KANSL1: variants seen among roughly 807,000 people sequenced by gnomAD.
KANSL1 encodes MLL1/MLL complex subunit KANSL1.
KANSL1 carries 22 observed loss-of-function variants against 103.6 expected under a neutral mutation model. That is an observed-to-expected ratio of 0.21 (90% CI 0.15 to 0.30). The LOEUF is 0.30. Among genes scored for constraint, KANSL1 ranks in the 10% least tolerant of loss-of-function variants. KANSL1 has a pLI of 1.00. For missense variants in KANSL1, 1,337 were observed against 1,399.8 expected (o/e 0.96, Z 0.72); for synonymous variants, 600 against 527.6 (o/e 1.14, Z -1.88).
At position 46,033,476 on chromosome 17, in the gene KANSL1, C is replaced by G; in HGVS notation, c.2667-16G>C. 6.2e-7 allele frequency: 1 copy of G among 1,613,388 alleles called. No homozygotes were observed. Among genetic ancestry groups the G allele is most frequent in the Non-Finnish European group, 8.5e-7 (1 of 1,179,320 alleles). On this transcript the variant is annotated splice_polypyrimidine_tract_variant and intron_variant, in intron 11 of 14. Transcript: ENST00000432791. The stretch of plus-strand genomic sequence containing the variant: ...CTCCCGCCAGCTGCAAAACCAAGAA[C>G]AGACAATCATGAGATGGCAAGCAGG...
At chr17:46,071,993 C>T (rs114609727) in intron 4 of KANSL1, among the ~76,000 whole-genome samples, 4 of 149,064 alleles carry the variant, frequency 2.7e-5, no homozygotes, top group East Asian at 2.0e-4. Flanking sequence ...CCCCTCCCCC[C>T]GCCCCGATTG....
intron 3 of KANSL1, chr17:46,092,884 A>AT (rs1425985345): frequency 2.0e-5 from 3 of 152,310 alleles, no homozygotes; most frequent in Non-Finnish European, 4.4e-5. Context: ...TTTAACTGAA[A>AT]TAATTTCTTT....
chr17:46,062,906 T>C (rs2078231444), intron 6 of KANSL1, among the ~76,000 whole-genome samples: 1 of 151,806 alleles, frequency 6.6e-6, no homozygotes, highest in Non-Finnish European at 1.5e-5. Context: ...AAAAAATAGC[T>C]GGGCGTGGTG....
At chr17:46,094,468 G>GT in intron 3 of KANSL1, 92 bp downstream of exon 3, 1 of 1,410,340 alleles carries the variant, frequency 7.1e-7, no homozygotes, top group Non-Finnish European at 9.8e-7. Context: ...TAAGAAGAGG[G>GT]TTATGGGGGT....
Position 46,172,048 on chromosome 17 carries a change from G to A in KANSL1, c.96C>T (p.Gly32=). 3 of 1,614,218 alleles carry A rather than the reference G, an allele frequency of 1.9e-6. No individual in the cohort carries two copies. Among genetic ancestry groups the A allele is most frequent in the Non-Finnish European group, 1.7e-6 (2 of 1,180,054 alleles). Reference sequence around the variant, plus strand: ...TGGCGTTGCCGTTATTTTCGGCACTGCCAGGGGACAAGGTAGAGGATGGGG... The same window carrying A: ...TGGCGTTGCCGTTATTTTCGGCACTACCAGGGGACAAGGTAGAGGATGGGG... ...LAPPSSTLSP[G]SAENNGNANI... is the part of the protein sequence containing the mutation. Residue 32 remains glycine, a synonymous_variant, in exon 2 of 15, where the codon GGC becomes GGT. Transcript: ENST00000432791.
At chr17:46,045,566 T>C (rs1217901007) in intron 7 of KANSL1, 2 of 152,070 alleles carry the variant, frequency 1.3e-5, no homozygotes, top group African/African-American at 4.8e-5. Context: ...CAAATAGGAT[T>C]AGATGCAGGA....
At chr17:46,123,240 G>A (rs935177359) in intron 2 of KANSL1, among the ~76,000 whole-genome samples, 7 of 152,160 alleles carry the variant, frequency 4.6e-5, no homozygotes, top group Non-Finnish European at 5.9e-5. Context: ...ATGTGGGTGT[G>A]GCATTGCGCA....
chr17:46,136,476 A>G (rs2044150121), intron 2 of KANSL1, among the ~76,000 whole-genome samples: 1 of 152,236 alleles, frequency 6.6e-6, no homozygotes, highest in African/African-American at 2.4e-5. Flanking sequence ...TACAAATGCT[A>G]AGGAGTAAAA....
At chr17:46,190,987 G>A (rs1259882644) in intron 1 of KANSL1, among the ~76,000 whole-genome samples, 2 of 152,016 alleles carry the variant, frequency 1.3e-5, no homozygotes, top group African/African-American at 4.8e-5. Flanking sequence ...CAATGTACAT[G>A]GTAAATCAGG....
intron 6 of KANSL1, among the ~76,000 whole-genome samples, chr17:46,064,428 G>A: frequency 6.6e-6 from 1 of 152,116 alleles, no homozygotes; most frequent in Non-Finnish European, 1.5e-5. Context: ...CTTTGAAAAT[G>A]TTATCTACAA....
At chr17:46,143,201 T>C (rs1454627431) in intron 2 of KANSL1, among the ~76,000 whole-genome samples, 3 of 152,228 alleles carry the variant, frequency 2.0e-5, no homozygotes, top group African/African-American at 7.2e-5. Flanking sequence ...GGTGAGAATA[T>C]TTACATATAT....
At chr17:46,181,553 C>T (rs1304213870) in intron 1 of KANSL1, among the ~76,000 whole-genome samples, 4 of 152,214 alleles carry the variant, frequency 2.6e-5, no homozygotes, top group African/African-American at 9.7e-5. Context: ...CCACAACCTC[C>T]CGAGCAGCTG....
intron 4 of KANSL1, among the ~76,000 whole-genome samples, chr17:46,080,949 C>G (rs1020120474): frequency 6.6e-6 from 1 of 152,092 alleles, no homozygotes; most frequent in African/African-American, 2.4e-5. Context: ...TCTTGACCTT[C>G]AAGAATCTTA....
At chr17:46,190,655 T>C (rs2047271007) in intron 1 of KANSL1, among the ~76,000 whole-genome samples, 1 of 152,206 alleles carries the variant, frequency 6.6e-6, no homozygotes, top group Admixed American at 6.5e-5. Context: ...AATATAGACA[T>C]TAAGAACCTT....
At chr17:46,197,742 A>G (rs2047661184), upstream of KANSL1, among the ~76,000 whole-genome samples, 1 of 152,230 alleles carries the variant, frequency 6.6e-6, no homozygotes, top group Non-Finnish European at 1.5e-5. Context: ...CAGTCTTGCC[A>G]CCTCAAGCCA....
At chr17:46,138,575 G>A (rs1369323994) in intron 2 of KANSL1, among the ~76,000 whole-genome samples, 1 of 152,228 alleles carries the variant, frequency 6.6e-6, no homozygotes, top group African/African-American at 2.4e-5. Flanking sequence ...AAGGATAACT[G>A]TATAATGCAA....
chr17:46,214,595 A>G (rs2048281359), intron 1 of KANSL1, among the ~76,000 whole-genome samples: 1 of 152,258 alleles, frequency 6.6e-6, no homozygotes, highest in South Asian at 2.1e-4. Flanking sequence ...CAGAGGTTGC[A>G]GTGAGCCGAG....
intron 2 of KANSL1, among the ~76,000 whole-genome samples, chr17:46,148,898 T>C (rs2044895257): frequency 8.2e-6 from 1 of 121,972 alleles, no homozygotes; most frequent in Non-Finnish European, 1.8e-5. Flanking sequence ...TTGCTTACAC[T>C]TAAAAAAAAA....
At chr17:46,038,877 G>C in intron 9 of KANSL1, 150 bp downstream of exon 9, 1 of 1,131,506 alleles carries the variant, frequency 8.8e-7, no homozygotes, top group Non-Finnish European at 1.3e-6. Context: ...GTTAAGAAGT[G>C]ACCTCCATTT....
Sources: gnomAD v4.1 joint callset for allele counts (sites outside exome capture counted in the v4.1 genomes callset) on GRCh38, gnomAD v4.1.1 for gene constraint, MANE v1.5 for transcripts, NCBI Gene and HGNC (gene_info 2026-07-23, HGNC 2026-07-21) for gene names.